DLGAP2: variants seen among roughly 807,000 people sequenced by gnomAD.
The protein encoded by DLGAP2 is disks large-associated protein 2.
Under a neutral mutation model 100.3 loss-of-function variants are expected in DLGAP2, and 26 were observed. That is an observed-to-expected ratio of 0.26 (90% CI 0.19 to 0.36). DLGAP2 has a LOEUF of 0.36. Among genes scored for constraint, DLGAP2 ranks in the 10% least tolerant of loss-of-function variants. The pLI, the probability that DLGAP2 is intolerant of heterozygous loss-of-function variation, is 1.00. For synonymous variants in DLGAP2, 886 were observed against 630.1 expected (o/e 1.41, Z -6.08); for missense variants, 1,858 against 1,453.2 (o/e 1.28, Z -4.53).
chr8:1,159,867 G>C (rs1279220808), intron 2 of DLGAP2, among the ~76,000 whole-genome samples: 2 of 152,166 alleles, frequency 1.3e-5, no homozygotes, highest in Non-Finnish European at 2.9e-5. Flanking sequence ...CTGTCTACAG[G>C]CCCCCCAACC....
At chr8:965,621 C>G (rs1415210122) in intron 2 of DLGAP2, among the ~76,000 whole-genome samples, 32 of 131,164 alleles carry the variant, frequency 2.4e-4, no homozygotes, top group African/African-American at 7.3e-4. Context: ...TGGCCCCGCA[C>G]TGCACACGGC....
At chr8:1,248,313 C>T (rs111831739) in intron 2 of DLGAP2, among the ~76,000 whole-genome samples, 49 of 6,076 alleles carry the variant, frequency 8.1e-3, no homozygotes, top group African/African-American at 0.016. Flanking sequence ...GGAGTAATGG[C>T]CCACGTCGGT....
intron 2 of DLGAP2, among the ~76,000 whole-genome samples, chr8:1,104,710 G>A (rs1024536931): frequency 2.0e-5 from 3 of 151,332 alleles, no homozygotes; most frequent in Admixed American, 6.6e-5. Context: ...CTGAGGGGTT[G>A]GGGTCCCGGG....
At chr8:1,076,370 G>C (rs911089891) in intron 2 of DLGAP2, among the ~76,000 whole-genome samples, 13 of 152,242 alleles carry the variant, frequency 8.5e-5, no homozygotes, top group Non-Finnish European at 1.9e-4. Context: ...GTGAGTCGCA[G>C]CTCCCCGTCT....
chr8:1,664,066 C>T (rs1331867423), intron 8 of DLGAP2, among the ~76,000 whole-genome samples: 1 of 152,188 alleles, frequency 6.6e-6, no homozygotes, highest in Non-Finnish European at 1.5e-5. Context: ...TCCACTGATA[C>T]CAAACCCTCC....
chr8:1,392,377 T>C (rs1383973914), intron 3 of DLGAP2, among the ~76,000 whole-genome samples: 1 of 152,152 alleles, frequency 6.6e-6, no homozygotes, highest in Admixed American at 6.5e-5. Context: ...CTTCCCTTTC[T>C]TCCCATCAAC....
intron 2 of DLGAP2, among the ~76,000 whole-genome samples, chr8:1,182,904 A>T (rs1797421589): frequency 6.6e-6 from 1 of 152,096 alleles, no homozygotes; most frequent in Non-Finnish European, 1.5e-5. Context: ...GGCACTCAGG[A>T]TGCAGTGAGC....
At chr8:1,154,210 C>T (rs777558389) in intron 2 of DLGAP2, among the ~76,000 whole-genome samples, 5 of 152,206 alleles carry the variant, frequency 3.3e-5, no homozygotes, top group East Asian at 1.9e-4. Context: ...ACTACGGCGT[C>T]GTCCAAGCAA....
In DLGAP2 at chr8:1,511,402, C is replaced by T. The variant is rs1369138090; in HGVS notation, c.172+9971C>T. On this transcript the variant is annotated intron_variant, in intron 4 of 14. Coordinates refer to ENST00000637795, the MANE Select transcript of DLGAP2 (RefSeq NM_001346810.2). ...TCAGTAGATGACCATCTTCCATGGT[C>T]GTAAGGGCTGTCTAGTGTAGGACAA... 4.3e-4 allele frequency among the ~76,000 whole-genome samples: 59 copies of T among 138,020 alleles called. 1 individual carries two copies. Among genetic ancestry groups the T allele is most frequent in the African/African-American group, 6.2e-4 (23 of 37,372 alleles). 90.5% of individuals were successfully genotyped at this position (138,020 alleles called of 152,430 possible). A position where few individuals can be genotyped will look rare whatever the true frequency, so the allele number is the denominator to read the frequency against.
chr8:1,272,441 C>G (rs572886796), intron 3 of DLGAP2, among the ~76,000 whole-genome samples: 1 of 151,552 alleles, frequency 6.6e-6, no homozygotes, highest in East Asian at 1.9e-4. Flanking sequence ...AAGTTATGTA[C>G]GTATCTATAT....
intron 1 of DLGAP2, among the ~76,000 whole-genome samples, chr8:819,264 A>G (rs1473185731): frequency 1.3e-5 from 2 of 152,246 alleles, no homozygotes; most frequent in Non-Finnish European, 2.9e-5. Flanking sequence ...AGGATATTTA[A>G]AAAACCCCTC....
intron 2 of DLGAP2, among the ~76,000 whole-genome samples, chr8:1,190,919 C>A (rs954774338): frequency 6.6e-6 from 1 of 152,092 alleles, no homozygotes; most frequent in East Asian, 1.9e-4. Flanking sequence ...CCATGCTTCT[C>A]CTATGGAAGC....
rs1370798970 is a variant in DLGAP2 at position 1,676,424 on chromosome 8, A to T, written c.2203-109A>T. ...CTGGGTCAAGTGCACCGCTGCATTA[A>T]TTAAACAAATGCGTAATTAATTACA... On this transcript the variant is annotated intron_variant, in intron 10 of 14. Coordinates refer to ENST00000637795, the MANE Select transcript of DLGAP2 (RefSeq NM_001346810.2). 2.5e-6 allele frequency: 3 copies of T among 1,211,860 alleles called. No homozygotes were observed. The Admixed American group carries it at 6.1e-5, about 25-fold the overall frequency. The allele number at this position is 1,211,860 out of a possible 1,614,324, so 75.1% of individuals were successfully genotyped here. A position where few individuals can be genotyped will look rare whatever the true frequency, so the allele number is the denominator to read the frequency against.
In DLGAP2 at chr8:1,351,119, A is replaced by G. The variant is rs867905753; in HGVS notation, c.106+92236A>G. Among the ~76,000 whole-genome samples, 24 of 4,040 alleles carry G rather than the reference A, an allele frequency of 5.9e-3. 5 individuals carry two copies. Among genetic ancestry groups the G allele is most frequent in the Admixed American group, 0.02 (5 of 246 alleles). 2.7% of individuals were successfully genotyped at this position (4,040 alleles called of 152,430 possible). A position where few individuals can be genotyped will look rare whatever the true frequency, so the allele number is the denominator to read the frequency against. The stretch of plus-strand genomic sequence containing the variant: ...CTGACTGTGTGTGGAAAGGCCGTGC[A>G]GATCCTGAGTGTGTGTGGAAACACC... On this transcript the variant is annotated intron_variant, in intron 3 of 14. Coordinates refer to ENST00000637795, the MANE Select transcript of DLGAP2 (RefSeq NM_001346810.2).
chr8:979,035 C>G (rs1800253085), intron 2 of DLGAP2, among the ~76,000 whole-genome samples: 1 of 152,132 alleles, frequency 6.6e-6, no homozygotes, highest in African/African-American at 2.4e-5. Flanking sequence ...ACACTTCATT[C>G]TCCGCAGGAG....
chr8:1,686,073 T>C (rs1799107450), intron 12 of DLGAP2, among the ~76,000 whole-genome samples: 1 of 152,200 alleles, frequency 6.6e-6, no homozygotes, highest in Non-Finnish European at 1.5e-5. Context: ...CTGCTGGGCA[T>C]AGACCCAAAC....
chr8:1,298,558 C>T (rs183483082), intron 3 of DLGAP2, among the ~76,000 whole-genome samples: 2,389 of 152,158 alleles, frequency 0.016, 18 homozygotes, highest in Middle Eastern at 0.051. Context: ...AGTCGCTGAG[C>T]GTGGGGGACG....
intron 3 of DLGAP2, among the ~76,000 whole-genome samples, chr8:1,483,712 C>CCAGGAAGGCAGGTGCAGAAT (rs1563176051): frequency 1.3e-4 from 1 of 7,526 alleles, no homozygotes; most frequent in Non-Finnish European, 3.7e-4. Flanking sequence ...AGGTGCAGGA[C>CCAGGAAGGCAGGTGCAGAAT]GTGGGGACCA....
chr8:1,126,157 T>G (rs1033356926), intron 2 of DLGAP2, among the ~76,000 whole-genome samples: 3 of 152,214 alleles, frequency 2.0e-5, no homozygotes, highest in African/African-American at 7.2e-5. Context: ...GGATTCTGCA[T>G]TTATGCAGAT....
Sources: allele counts gnomAD v4.1 joint callset (sites outside exome capture counted in the v4.1 genomes callset), GRCh38; gene constraint gnomAD v4.1.1; transcripts MANE v1.5; gene names NCBI Gene and HGNC (gene_info 2026-07-23, HGNC 2026-07-21).